Variants in WEE1 observed in about 807,000 individuals in gnomAD.
WEE1 encodes wee1-like protein kinase.
In WEE1, 16 loss-of-function variants were observed where a neutral mutation model predicts 68.8. The observed-to-expected ratio is 0.23, with a 90% CI of 0.16 to 0.35. WEE1 has a LOEUF of 0.35. Ranked by LOEUF, WEE1 falls within the 10% of genes least tolerant of loss-of-function variation. The pLI, the probability that WEE1 is intolerant of heterozygous loss-of-function variation, is 1.00. For missense variants in WEE1, 651 were observed against 824.1 expected, an observed-to-expected ratio of 0.79 and a Z score of 2.57; for synonymous variants, 349 against 318.7, an observed-to-expected ratio of 1.09 and a Z score of -1.01.
rs370387004 is a variant in WEE1, at chr11:9,574,175, C to T, written c.242C>T (p.Pro81Leu). ...PGPERRRSPG[P>L]APGSPGELEE... ...CCCGAGCGCCGCCGCTCGCCCGGGCCGGCCCCCGGCAGCCCCGGCGAGCTG... is the reference window on the plus strand; with the variant it reads ...CCCGAGCGCCGCCGCTCGCCCGGGCTGGCCCCCGGCAGCCCCGGCGAGCTG... Residue 81 changes from proline (P) to leucine (L), a missense_variant, in exon 1 of 11, where the codon CCG becomes CTG. Coordinates refer to ENST00000450114, the MANE Select transcript of WEE1 (RefSeq NM_003390.4). The surrounding 1 kb of genome is among the most constrained non-coding windows in gnomAD (Gnocchi z 4.9). 14 of 1,180,618 alleles carry T rather than the reference C, an allele frequency of 1.2e-5. No individual in the cohort carries two copies. The East Asian group carries it at 2.3e-4, about 19-fold the overall frequency. The allele number at this position is 1,180,618 out of a possible 1,614,324, so 73.1% of individuals were successfully genotyped here. A position where few individuals can be genotyped will look rare whatever the true frequency, so the allele number is the denominator to read the frequency against.
chr11:9,575,425 CTG>C (rs1353227200), intron 1 of WEE1: 22 of 996,706 alleles, frequency 2.2e-5, no homozygotes, highest in Non-Finnish European at 2.5e-5. Flanking sequence ...CCTAGGCAAT[CTG>C]TGTGCTTTCG....
In WEE1 at chr11:9,574,304, C is replaced by T. The variant is rs766538588; in HGVS notation, c.371C>T (p.Pro124Leu). Residue 124 changes from proline (P) to leucine (L), a missense_variant, in exon 1 of 11, where the codon CCG becomes CTG. Transcript: ENST00000450114. The surrounding 1 kb of genome is among the most constrained non-coding windows in gnomAD (Gnocchi z 4.9). ...GAGGAGGGCTTCGGCTCCTCGTCGC[C>T]GGTCAAGTCGCCGGCGGCCCCCTAC... is the stretch of plus-strand genomic sequence containing the variant. ...WEEEGFGSSSPVKSPAAPYFL... is the reference protein window; with the variant it reads ...WEEEGFGSSSLVKSPAAPYFL... 2.4e-6 allele frequency: 3 copies of T among 1,266,448 alleles called. No homozygotes were observed. The highest frequency in any genetic ancestry group is 3.0e-6 in the Non-Finnish European group (3 of 1,004,960). The allele number at this position is 1,266,448 out of a possible 1,614,324, so 78.5% of individuals were successfully genotyped here.
chr11:9,573,972 C>T lies in WEE1; in HGVS notation c.39C>T (p.Arg13=), dbSNP rs1245985538. ...GCCGACAGCAGCCGCCGCCACCCCG[C>T]CGCGCCGGGGCGGCCTGCACCTTGC... ...FLSRQQPPPP[R]RAGAACTLRQ... is the part of the protein sequence containing the mutation. Residue 13 remains arginine (R), a synonymous_variant, in exon 1 of 11, where the codon CGC becomes CGT. Coordinates refer to ENST00000450114, the MANE Select transcript of WEE1 (RefSeq NM_003390.4). 2.3e-6 allele frequency: 3 copies of T among 1,295,974 alleles called. No homozygotes were observed. The highest frequency in any genetic ancestry group is 2.9e-6 in the Non-Finnish European group (3 of 1,021,622). 80.3% of individuals were successfully genotyped at this position (1,295,974 alleles called of 1,614,324 possible).
intron 10 of WEE1, among the ~76,000 whole-genome samples, chr11:9,587,103 A>T (rs1589981797): frequency 1.3e-5 from 2 of 152,088 alleles, no homozygotes; most frequent in East Asian, 3.9e-4. Flanking sequence ...TGAGCCACAG[A>T]TGCATGCCAC....
intron 6 of WEE1, among the ~76,000 whole-genome samples, chr11:9,583,111 G>A (rs1394754798): frequency 5.3e-5 from 8 of 151,258 alleles, no homozygotes; most frequent in African/African-American, 1.7e-4. Flanking sequence ...GCAGGAGTTC[G>A]AGACCAGCCT....
At chr11:9,585,634 A>G (rs1409705697) in intron 8 of WEE1, 107 bp downstream of exon 8, 2 of 928,380 alleles carry the variant, frequency 2.2e-6, no homozygotes, top group Non-Finnish European at 3.1e-6. Flanking sequence ...AATAGAATGG[A>G]AATAAAATCT....
intron 10 of WEE1, 124 bp downstream of exon 10, chr11:9,586,980 T>G (rs1849707084): frequency 3.5e-6 from 4 of 1,128,170 alleles, no homozygotes; most frequent in East Asian, 5.2e-5. Context: ...TTTTTGTTTT[T>G]TGAGACAGGG....
At chr11:9,577,921 G>T (rs1030505477) in intron 5 of WEE1, 7 of 455,828 alleles carry the variant, frequency 1.5e-5, no homozygotes, top group African/African-American at 8.0e-5. Flanking sequence ...GCCGACTTAT[G>T]TCTCTCCTTT....
intron 5 of WEE1, chr11:9,578,639 C>G (rs550673938): frequency 6.6e-6 from 1 of 152,206 alleles, no homozygotes; most frequent in Non-Finnish European, 1.5e-5. Context: ...CAGTTTCCTT[C>G]TTTCTCTTTC....
chr11:9,588,896 A>C lies in WEE1; in HGVS notation c.*294A>C. ...GCTTATAGTTTGCTGTTGCATTGTA[A>C]TAAAAGGTGTCTTTCCCTGTAGTGA... On this transcript the variant is annotated 3_prime_UTR_variant, in exon 11 of 11. Coordinates refer to ENST00000450114, the MANE Select transcript of WEE1 (RefSeq NM_003390.4). The C allele has an allele frequency of 9.8e-7, 1 of 1,018,338 alleles. No individual in the cohort carries two copies. The highest frequency in any genetic ancestry group is 8.7e-5 in the East Asian group (1 of 11,440). The allele number at this position is 1,018,338 out of a possible 1,614,324, so 63.1% of individuals were successfully genotyped here.
rs1849699195 is a variant in WEE1, at chr11:9,586,318, G to T, written c.1471-131G>T. On this transcript the variant is annotated intron_variant, in intron 8 of 10. Coordinates refer to ENST00000450114, the MANE Select transcript of WEE1 (RefSeq NM_003390.4). ...ATTTAGCAGTTTATTCTCTGAATAG[G>T]TCCCAAACTTAAATGTGGTATTAGA... The T allele has an allele frequency of 6.8e-6, 5 of 737,702 alleles. No individual in the cohort carries two copies. In the East Asian group the frequency reaches 1.1e-4, roughly 16 times the overall value. 45.7% of individuals were successfully genotyped at this position (737,702 alleles called of 1,614,324 possible).
intron 1 of WEE1, chr11:9,575,450 T>C: frequency 6.9e-6 from 7 of 1,017,948 alleles, no homozygotes; most frequent in Non-Finnish European, 8.3e-6. Context: ...CTGTACTGTT[T>C]ATTGGCCGAC....
chr11:9,577,409 A>G, intron 5 of WEE1, 146 bp downstream of exon 5: 12 of 1,066,396 alleles, frequency 1.1e-5, no homozygotes, highest in Non-Finnish European at 1.6e-5. Flanking sequence ...TTCAAGTACA[A>G]GGTTAAAAAC....
Position 9,574,367 on chromosome 11 carries a change from G to C in WEE1, c.434G>C (p.Gly145Ala). 1 of 1,233,434 alleles carries C rather than the reference G, an allele frequency of 8.1e-7. No homozygotes were observed. Among genetic ancestry groups the C allele is most frequent in the Non-Finnish European group, 1.0e-6 (1 of 990,186 alleles). The allele number at this position is 1,233,434 out of a possible 1,614,324, so 76.4% of individuals were successfully genotyped here. ...GSSFSPVRCG[G>A]PGDASPRGCG... ...TCTTTCTCGCCGGTGCGCTGCGGCG[G>C]CCCAGGAGATGCGTCGCCGCGGGGT... The change falls in exon 1 of 11, where the codon GGC becomes GCC. Residue 145 changes from glycine (G) to alanine (A), a missense_variant. This residue lies in a region of WEE1 where 395 missense variants were observed against 378.4 expected (regional missense o/e 1.04). Coordinates refer to ENST00000450114, the MANE Select transcript of WEE1 (RefSeq NM_003390.4). The surrounding 1 kb of genome is among the most constrained non-coding windows in gnomAD (Gnocchi z 4.9).
intron 5 of WEE1, chr11:9,580,797 A>C (rs779989713): frequency 3.3e-5 from 5 of 152,224 alleles, no homozygotes; most frequent in Non-Finnish European, 5.9e-5. Flanking sequence ...GAATTCTATA[A>C]AGACAAGAAG....
In WEE1 at chr11:9,577,484, T is replaced by C. The variant is rs75701628; in HGVS notation, c.1141+221T>C. The C allele has an allele frequency of 8.7e-4, 433 of 495,398 alleles. 1 individual carries two copies. Among genetic ancestry groups the C allele is most frequent in the African/African-American group, 7.3e-3 (377 of 51,366 alleles). 30.7% of individuals were successfully genotyped at this position (495,398 alleles called of 1,614,324 possible). A position where few individuals can be genotyped will look rare whatever the true frequency, so the allele number is the denominator to read the frequency against. ...AGAACTTCGCATACTATTTATGTGC[T>C]TGTCGCTCCAACTGAGCTTTTTGAC... On this transcript the variant is annotated intron_variant, in intron 5 of 10. Transcript: ENST00000450114.
At position 9,585,311 on chromosome 11, in the gene WEE1, G is replaced by A; in HGVS notation, c.1342G>A (p.Asp448Asn). The change falls in exon 7 of 11, where the codon GAC becomes AAC. Residue 448 changes from aspartate to asparagine, a missense_variant. Transcript: ENST00000450114. ...CCCAAATGCTGCCTCTGAAGAAGGA[G>A]ACGAAGATGATTGGGCATCCAACAA... ...SIPNAASEEG[D>N]EDDWASNKVM... The A allele has an allele frequency of 2.5e-6, 4 of 1,614,150 alleles. No homozygotes were observed. Among genetic ancestry groups the A allele is most frequent in the Non-Finnish European group, 3.4e-6 (4 of 1,180,018 alleles).
At position 9,574,910 on chromosome 11, in the gene WEE1, C is replaced by T. The variant is rs1849547465; in HGVS notation, c.576+401C>T. The T allele has an allele frequency of 9.1e-6, 9 of 984,872 alleles. No individual in the cohort carries two copies. Among genetic ancestry groups the T allele is most frequent in the Non-Finnish European group, 1.1e-5 (9 of 830,104 alleles). 61.0% of individuals were successfully genotyped at this position (984,872 alleles called of 1,614,324 possible). A position where few individuals can be genotyped will look rare whatever the true frequency, so the allele number is the denominator to read the frequency against. ...ATGCCTTTTAAACGCGGCGATCGGG[C>T]CTGTAATTTGGGCGGCGCGGGCAGA... On this transcript the variant is annotated intron_variant, in intron 1 of 10. Coordinates refer to ENST00000450114, the MANE Select transcript of WEE1 (RefSeq NM_003390.4). This position sits in a 1 kb window ranked among gnomAD's most constrained non-coding sequence, Gnocchi z 4.9.
rs774197082 is a variant in WEE1, at chr11:9,575,987, G to C, written c.676G>C (p.Asp226His). 1 of 1,614,120 alleles carries C rather than the reference G, an allele frequency of 6.2e-7. No individual in the cohort carries two copies. Among genetic ancestry groups the C allele is most frequent in the Non-Finnish European group, 8.5e-7 (1 of 1,179,994 alleles). The change falls in exon 2 of 11, where the codon GAT becomes CAT. Residue 226 changes from aspartate to histidine, a missense_variant. By Grantham distance (81) the Asp-to-His change is moderately conservative (BLOSUM62 -1). This residue lies in a region of WEE1 where 395 missense variants were observed against 378.4 expected (regional missense o/e 1.04). Coordinates refer to ENST00000450114, the MANE Select transcript of WEE1 (RefSeq NM_003390.4). ...DTEKSGKREFDVRQTPQVNIN... is the reference protein window; with the variant it reads ...DTEKSGKREFHVRQTPQVNIN... ...AGAAAAATCAGGAAAAAGGGAATTT[G>C]ATGTGCGACAGACTCCTCAAGTGAA...
Sources: allele counts gnomAD v4.1 joint callset (sites outside exome capture counted in the v4.1 genomes callset), GRCh38; gene constraint gnomAD v4.1.1; regional missense constraint gnomAD v4.1.1; non-coding constraint Gnocchi (gnomAD v3.1); transcripts MANE v1.5; gene names NCBI Gene and HGNC (gene_info 2026-07-23, HGNC 2026-07-21).